Variants in TGFB2 observed in about 807,000 individuals in gnomAD.
The protein encoded by TGFB2 is transforming growth factor beta 2.
Under a neutral mutation model 42.7 loss-of-function variants are expected in TGFB2, and 13 were observed. The ratio of observed to expected loss-of-function variants is 0.30; its 90% CI spans 0.20 to 0.48. The LOEUF is 0.48. Ranked by LOEUF, TGFB2 falls within the 20% of genes least tolerant of loss-of-function variation. TGFB2 has a pLI of 0.99. For synonymous variants in TGFB2, 193 were observed against 193.6 expected (o/e 1.00, Z 0.03); for missense variants, 390 against 517.5 (o/e 0.75, Z 2.39).
At chr1:218,436,731 G>A (rs932793753) in intron 5 of TGFB2, among the ~76,000 whole-genome samples, 2 of 152,208 alleles carry the variant, frequency 1.3e-5, no homozygotes, top group Non-Finnish European at 2.9e-5. Flanking sequence ...GAGAGGTACA[G>A]GACAGGGAAG....
At chr1:218,367,849 G>A (rs1053331613) in intron 1 of TGFB2, among the ~76,000 whole-genome samples, 1 of 152,074 alleles carries the variant, frequency 6.6e-6, no homozygotes, top group Non-Finnish European at 1.5e-5. Context: ...CTGTCACCAG[G>A]CTAGAAGGCA....
intron 1 of TGFB2, among the ~76,000 whole-genome samples, chr1:218,387,212 G>A (rs1268138351): frequency 6.6e-6 from 1 of 151,908 alleles, no homozygotes; most frequent in Non-Finnish European, 1.5e-5. Flanking sequence ...GCACTTAGGG[G>A]CTGGGGCAGA....
chr1:218,435,898 GA>G (rs546357945), intron 4 of TGFB2, 71 bp from the exon 5 acceptor site: 6 of 1,482,634 alleles, frequency 4.0e-6, no homozygotes, highest in Admixed American at 4.2e-5. Context: ...ATATACAAAG[GA>G]AAAAAATATG....
At chr1:218,412,008 A>G (rs1025249211) in intron 2 of TGFB2, among the ~76,000 whole-genome samples, 6 of 152,228 alleles carry the variant, frequency 3.9e-5, no homozygotes, top group African/African-American at 1.4e-4. Flanking sequence ...TGTGTCAAAG[A>G]AGTTGCAGCC....
rs781499580 is a variant in TGFB2, at chr1:218,405,363, T to C, written c.510+31T>C. 2.5e-6 allele frequency: 4 copies of C among 1,611,850 alleles called. No individual in the cohort carries two copies. The South Asian group carries it at 3.3e-5, about 13-fold the overall frequency. On this transcript the variant is annotated intron_variant, in intron 2 of 6. Transcript: ENST00000366930. The stretch of plus-strand genomic sequence containing the variant: ...GTTCATTTGTTGTTGTTGTTGTTGT[T>C]GTTGTTGTTGTTTTAGACAGACTCT...
intron 1 of TGFB2, among the ~76,000 whole-genome samples, chr1:218,392,151 A>T (rs1376714951): frequency 6.6e-6 from 1 of 152,188 alleles, no homozygotes; most frequent in Non-Finnish European, 1.5e-5. Flanking sequence ...AGAGATCGAG[A>T]CCATCCTGGC....
intron 6 of TGFB2, 123 bp downstream of exon 6, chr1:218,437,619 G>T: frequency 9.3e-7 from 1 of 1,070,628 alleles, no homozygotes; most frequent in Non-Finnish European, 1.2e-6. Flanking sequence ...ATGGGTACTG[G>T]AGAAAAATCT....
chr1:218,434,338 A>G lies in TGFB2; in HGVS notation c.644A>G (p.Asp215Gly). ...DAVHEWLHHK[D>G]RNLGFKISLH... ...ACCTCCTTGACTTAATGTTTTCCAG[A>G]CAGGAACCTGGGATTTAAAATAAGC... The change falls in exon 4 of 7, where the codon GAC becomes GGC. Residue 215 changes from aspartate (D) to glycine (G), a missense_variant and splice_region_variant. By Grantham distance (94) the Asp-to-Gly change is moderately conservative. Transcript: ENST00000366930. The G allele has an allele frequency of 6.2e-7, 1 of 1,613,544 alleles. No individual in the cohort carries two copies. The highest frequency in any genetic ancestry group is 8.5e-7 in the Non-Finnish European group (1 of 1,179,650).
At chr1:218,432,101 G>T (rs1388949392) in intron 2 of TGFB2, among the ~76,000 whole-genome samples, 1 of 152,178 alleles carries the variant, frequency 6.6e-6, no homozygotes, top group Admixed American at 6.5e-5. Flanking sequence ...ATCCAGCACT[G>T]AAGTGGGAAA....
chr1:218,444,494 CACAA>C lies in TGFB2; in HGVS notation c.*3138_*3141del, dbSNP rs1437527950. 1 of 152,062 alleles carries C rather than the reference CACAA, an allele frequency of 6.6e-6. No individual in the cohort carries two copies. The highest frequency in any genetic ancestry group is 2.4e-5 in the African/African-American group (1 of 41,384). The allele number at this position is 152,062 out of a possible 1,614,324, so 9.4% of individuals were successfully genotyped here. A position where few individuals can be genotyped will look rare whatever the true frequency, so the allele number is the denominator to read the frequency against. ...GTCAGTTTCACTGGTACCACTGCAC[CACAA>C]ACAAAAAAACCCACCCTATTTCCTC... On this transcript the variant is annotated 3_prime_UTR_variant, in exon 7 of 7. Coordinates refer to ENST00000366930, the MANE Select transcript of TGFB2 (RefSeq NM_003238.6).
chr1:218,440,530 G>A (rs1364862072), intron 6 of TGFB2, among the ~76,000 whole-genome samples: 3 of 152,134 alleles, frequency 2.0e-5, no homozygotes, highest in African/African-American at 7.2e-5. Flanking sequence ...GATTACAGGC[G>A]TGAGCCACCG....
In TGFB2 at chr1:218,400,676, A is replaced by T. The variant is rs189502927; in HGVS notation, c.347-4493A>T. On this transcript the variant is annotated intron_variant, in intron 1 of 6. Transcript: ENST00000366930. ...CCCCAAAAAGTATTGAAAACATTTT[A>T]AAAAAAGGAGTGGGTGAGAGACGTG... Among the ~76,000 whole-genome samples the T allele has an allele frequency of 1.7e-4, 26 of 152,274 alleles. 1 individual carries two copies. The highest frequency in any genetic ancestry group is 4.1e-4 in the South Asian group (2 of 4,826).
chr1:218,403,437 G>A (rs1023117125), intron 1 of TGFB2, among the ~76,000 whole-genome samples: 1 of 152,180 alleles, frequency 6.6e-6, no homozygotes, highest in Admixed American at 6.5e-5. Flanking sequence ...ATGTTGGTGT[G>A]TTCCTAGCAT....
rs1393040361 is a variant in TGFB2 at position 218,346,397 on chromosome 1, CT to C, written c.-298del. 9 of 303,898 alleles carry C rather than the reference CT, an allele frequency of 3.0e-5. No homozygotes were observed. Among genetic ancestry groups the C allele is most frequent in the Non-Finnish European group, 4.2e-5 (7 of 167,870 alleles). 18.8% of individuals were successfully genotyped at this position (303,898 alleles called of 1,614,324 possible). ...ATTTCTACTTAATAGCCACTCGTCT[CT>C]TTTTTTCCCCATCTCATTGCTCCAA... On this transcript the variant is annotated 5_prime_UTR_variant, in exon 1 of 7. Transcript: ENST00000366930. This position sits in a 1 kb window ranked among gnomAD's most constrained non-coding sequence, Gnocchi z 4.9.
At chr1:218,432,602 A>G (rs1659842241) in intron 2 of TGFB2, among the ~76,000 whole-genome samples, 1 of 152,234 alleles carries the variant, frequency 6.6e-6, no homozygotes, top group Admixed American at 6.5e-5. Context: ...GAGTGGAAAG[A>G]TGATGCATTT....
intron 2 of TGFB2, among the ~76,000 whole-genome samples, chr1:218,431,830 A>C (rs897742772): frequency 1.3e-5 from 2 of 152,218 alleles, no homozygotes; most frequent in African/African-American, 2.4e-5. Flanking sequence ...TAGGTTAATT[A>C]TACCATTTAT....
intron 1 of TGFB2, among the ~76,000 whole-genome samples, chr1:218,401,592 G>T (rs927080978): frequency 6.6e-6 from 1 of 152,188 alleles, no homozygotes; most frequent in Non-Finnish European, 1.5e-5. Context: ...GGATGTGAGT[G>T]TGGATAAGTT....
rs10482794 is a variant in TGFB2, at chr1:218,432,258, G to C, written c.511-1824G>C. Among the ~76,000 whole-genome samples, 424 of 152,186 alleles carry C rather than the reference G, an allele frequency of 2.8e-3. 1 individual carries two copies. The highest frequency in any genetic ancestry group is 5.1e-3 in the Non-Finnish European group (350 of 68,030). ...AATAAAATAAAATAATGCATGCCAA[G>C]CCCAGAGCGTAGTGTACCCAGCCCT... On this transcript the variant is annotated intron_variant, in intron 2 of 6. Coordinates refer to ENST00000366930, the MANE Select transcript of TGFB2 (RefSeq NM_003238.6).
intron 6 of TGFB2, among the ~76,000 whole-genome samples, chr1:218,437,789 C>A (rs1050307224): frequency 6.6e-6 from 1 of 152,176 alleles, no homozygotes; most frequent in Non-Finnish European, 1.5e-5. Context: ...CAGTTATTAA[C>A]AACTGGAGGG....
Sources: gnomAD v4.1 joint callset for allele counts (sites outside exome capture counted in the v4.1 genomes callset) on GRCh38, gnomAD v4.1.1 for gene constraint, Gnocchi (gnomAD v3.1) non-coding constraint, MANE v1.5 for transcripts, NCBI Gene and HGNC (gene_info 2026-07-23, HGNC 2026-07-21) for gene names.